The following UGT1A3 variants were observed in gnomAD, a reference collection of about 807,000 sequenced individuals.
UGT1A3 encodes the protein UDP-glucuronosyltransferase 1A3.
In UGT1A3, 31 loss-of-function variants were observed where a neutral mutation model predicts 41.0. That is an observed-to-expected ratio of 0.76 (90% confidence interval 0.57 to 1.02). The LOEUF is 1.02. Ranked by LOEUF, UGT1A3 falls within the 50% of genes least tolerant of loss-of-function variation. The pLI, the probability that UGT1A3 is intolerant of heterozygous loss-of-function variation, is 0.00. For missense variants in UGT1A3, 737 were observed against 671.0 expected, an observed-to-expected ratio of 1.10 and a Z score of -1.09; for synonymous variants, 262 against 257.6, an observed-to-expected ratio of 1.02 and a Z score of -0.17.
At chr2:233,762,448 C>T (rs2125997990) in intron 1 of UGT1A3, among the ~76,000 whole-genome samples, 1 of 152,302 alleles carries the variant, frequency 6.6e-6, no homozygotes, top group East Asian at 1.9e-4. Context: ...TCCCACTGCC[C>T]ACTTACCGAT....
rs146693320 is a variant in UGT1A3, at chr2:233,769,441, G to T, written c.1307+1002G>T. The T allele has an allele frequency of 6.5e-7, 1 of 1,546,730 alleles. No homozygotes were observed. Among genetic ancestry groups the T allele is most frequent in the East Asian group, 2.3e-5 (1 of 44,376 alleles). ...TGCATGTGGCTGTGCTCATGTGTGGGTGCACACGTGTGCATTCATATGCGT... is the reference window on the plus strand; with the variant it reads ...TGCATGTGGCTGTGCTCATGTGTGGTTGCACACGTGTGCATTCATATGCGT... On this transcript the variant is annotated intron_variant, in intron 4 of 4. Transcript: ENST00000482026. The surrounding 1 kb of genome is among the most constrained non-coding windows in gnomAD (Gnocchi z 4.4).
At chr2:233,760,686 C>T in intron 1 of UGT1A3, 1 of 1,614,220 alleles carries the variant, frequency 6.2e-7, no homozygotes, top group African/African-American at 1.3e-5. Flanking sequence ...TACTGCACAA[C>T]AAGGAGCTCA....
In UGT1A3 at chr2:233,729,271, C is replaced by A; in HGVS notation, c.145C>A (p.Arg49=). Residue 49 remains arginine, a synonymous_variant, in exon 1 of 5, where the codon CGG becomes AGG. Transcript: ENST00000482026. The part of the protein sequence containing the change: ...SHWLSMREVL[R]ELHARGHQAV... ...CTGGCTCAGCATGCGGGAGGTCTTGCGGGAGCTCCATGCCAGAGGCCACCA... is the reference window on the plus strand; with the variant it reads ...CTGGCTCAGCATGCGGGAGGTCTTGAGGGAGCTCCATGCCAGAGGCCACCA... 6.2e-7 allele frequency: 1 copy of A among 1,614,166 alleles called. No individual in the cohort carries two copies. Among genetic ancestry groups the A allele is most frequent in the Non-Finnish European group, 8.5e-7 (1 of 1,180,024 alleles).
chr2:233,744,560 T>C (rs1423343809), intron 1 of UGT1A3, among the ~76,000 whole-genome samples: 1 of 151,924 alleles, frequency 6.6e-6, no homozygotes, highest in Admixed American at 6.5e-5. Flanking sequence ...CAAAATGTAG[T>C]GAGAAGAGTG....
chr2:233,772,386 G>A lies in UGT1A3; in HGVS notation c.1432G>A (p.Ala478Thr), dbSNP rs765612353. 2.0e-5 allele frequency: 33 copies of A among 1,614,110 alleles called. No homozygotes were observed. Among genetic ancestry groups the A allele is most frequent in the Middle Eastern group, 1.6e-4 (1 of 6,084 alleles). ...CAAGGGCGCGCCACACCTGCGCCCC[G>A]CAGCCCACGACCTCACCTGGTACCA... The part of the protein sequence containing the change: ...RHKGAPHLRP[A>T]AHDLTWYQYH... Residue 478 changes from alanine to threonine, a missense_variant, in exon 5 of 5, where the codon GCA becomes ACA. Coordinates refer to ENST00000482026, the MANE Select transcript of UGT1A3 (RefSeq NM_019093.4).
intron 1 of UGT1A3, among the ~76,000 whole-genome samples, chr2:233,746,863 G>A (rs1360451687): frequency 6.6e-6 from 1 of 151,770 alleles, no homozygotes; most frequent in Non-Finnish European, 1.5e-5. Flanking sequence ...GCTGCAGCCT[G>A]ATAAACGTGG....
At chr2:233,757,844 A>G (rs1442911565) in intron 1 of UGT1A3, among the ~76,000 whole-genome samples, 1 of 151,968 alleles carries the variant, frequency 6.6e-6, no homozygotes. Context: ...CTACTAACTT[A>G]TGTCTTCAGC....
intron 1 of UGT1A3, among the ~76,000 whole-genome samples, chr2:233,734,813 G>C (rs1170913968): frequency 6.6e-6 from 1 of 152,218 alleles, no homozygotes; most frequent in Non-Finnish European, 1.5e-5. Flanking sequence ...TTTCCATGTA[G>C]TTGTGCGATT....
In UGT1A3 at chr2:233,772,954, T is replaced by C; in HGVS notation, c.*395T>C. 6.3e-6 allele frequency: 2 copies of C among 319,870 alleles called. No individual in the cohort carries two copies. Among genetic ancestry groups the C allele is most frequent in the Non-Finnish European group, 1.2e-5 (2 of 168,958 alleles). 19.8% of individuals were successfully genotyped at this position (319,870 alleles called of 1,614,324 possible). ...CTTATCTTTTGGCTTCTGCAGATGG[T>C]TGCAATTGATCCTTAACCAATAATG... On this transcript the variant is annotated 3_prime_UTR_variant, in exon 5 of 5. Transcript: ENST00000482026.
intron 1 of UGT1A3, among the ~76,000 whole-genome samples, chr2:233,757,972 C>G (rs768947894): frequency 2.6e-4 from 40 of 152,096 alleles, no homozygotes; most frequent in Non-Finnish European, 3.4e-4. Context: ...TTTCTCAGCC[C>G]CTAGAGCACC....
chr2:233,743,823 G>A, intron 1 of UGT1A3: 2 of 1,367,252 alleles, frequency 1.5e-6, no homozygotes, highest in Non-Finnish European at 2.0e-6. Flanking sequence ...TTTTTGTCGG[G>A]GTGCCACTTG....
At chr2:233,731,543 TC>T (rs2078176266) in intron 1 of UGT1A3, among the ~76,000 whole-genome samples, 2 of 152,228 alleles carry the variant, frequency 1.3e-5, no homozygotes, top group South Asian at 4.1e-4. Context: ...TGTTTGGTTT[TC>T]TGTCCATGTG....
At chr2:233,736,066 G>C (rs879273661) in intron 1 of UGT1A3, among the ~76,000 whole-genome samples, 5 of 152,156 alleles carry the variant, frequency 3.3e-5, no homozygotes, top group Non-Finnish European at 7.3e-5. Flanking sequence ...TGCCTTGCTA[G>C]GTTTGGGAAG....
At chr2:233,743,741 G>A (rs374389189) in intron 1 of UGT1A3, 31 of 1,367,230 alleles carry the variant, frequency 2.3e-5, no homozygotes, top group Admixed American at 3.8e-5. Flanking sequence ...GCGTTTCTTG[G>A]CGTCCGACAA....
At chr2:233,755,786 A>T (rs1696022077) in intron 1 of UGT1A3, 1 of 152,524 alleles carries the variant, frequency 6.6e-6, no homozygotes, top group Non-Finnish European at 1.5e-5. Flanking sequence ...TGCCTATCAT[A>T]TGTACTGCAT....
At position 233,743,716 on chromosome 2, in the gene UGT1A3, G is replaced by A. The variant is rs779950685; in HGVS notation, c.867+13723G>A. ...CGCCCTCCGCCCCCGCCTCGCCATA[G>A]CGGTCATAGATATCGCGTTTCTTGG... On this transcript the variant is annotated intron_variant, in intron 1 of 4. Coordinates refer to ENST00000482026, the MANE Select transcript of UGT1A3 (RefSeq NM_019093.4). 152 of 1,367,230 alleles carry A rather than the reference G, an allele frequency of 1.1e-4. 1 individual carries two copies. The highest frequency in any genetic ancestry group is 6.5e-5 in the Non-Finnish European group (66 of 1,021,862). The allele number at this position is 1,367,230 out of a possible 1,614,324, so 84.7% of individuals were successfully genotyped here.
chr2:233,745,785 G>T (rs902358677), intron 1 of UGT1A3, among the ~76,000 whole-genome samples: 5 of 150,990 alleles, frequency 3.3e-5, no homozygotes, highest in Admixed American at 1.3e-4. Flanking sequence ...CTTAGACAGG[G>T]GGGCTGGGGT....
At chr2:233,743,603 C>T (rs1273601432) in intron 1 of UGT1A3, 1 of 1,367,314 alleles carries the variant, frequency 7.3e-7, no homozygotes, top group East Asian at 4.6e-5. Context: ...GTCCTGGCCG[C>T]CGAAGAACTC....
chr2:233,750,115 A>G (rs996940371), intron 1 of UGT1A3, among the ~76,000 whole-genome samples: 2 of 151,884 alleles, frequency 1.3e-5, no homozygotes, highest in Non-Finnish European at 1.5e-5. Context: ...AGAAGACAGG[A>G]AGATGTGGGA....
Sources: allele counts gnomAD v4.1 joint callset (sites outside exome capture counted in the v4.1 genomes callset), GRCh38; gene constraint gnomAD v4.1.1; non-coding constraint Gnocchi (gnomAD v3.1); transcripts MANE v1.5; gene names NCBI Gene and HGNC (gene_info 2026-07-23, HGNC 2026-07-21).